Variants in PDE4D observed in about 807,000 individuals in gnomAD.
PDE4D encodes the protein 3',5'-cyclic-AMP phosphodiesterase 4D.
Under a neutral mutation model 87.4 loss-of-function variants are expected in PDE4D, and 24 were observed. The observed-to-expected ratio is 0.27, with a 90% CI of 0.20 to 0.39. The LOEUF (loss-of-function observed/expected upper bound fraction) is 0.39. PDE4D is among the 10% of genes least tolerant of loss of function. The pLI, the probability that PDE4D is intolerant of heterozygous loss-of-function variation, is 1.00. For missense variants in PDE4D, 714 were observed against 1,041.0 expected, an observed-to-expected ratio of 0.69 and a Z score of 4.32; for synonymous variants, 384 against 383.2, an observed-to-expected ratio of 1.00 and a Z score of -0.02.
intron 2 of PDE4D, among the ~76,000 whole-genome samples, chr5:60,011,130 C>A (rs1764984174): frequency 6.6e-6 from 1 of 152,142 alleles, no homozygotes. Context: ...ACACAAAAGG[C>A]CCCATTAGTT....
intron 1 of PDE4D, among the ~76,000 whole-genome samples, chr5:60,204,636 T>C (rs1403897343): frequency 6.6e-6 from 1 of 152,204 alleles, no homozygotes; most frequent in East Asian, 1.9e-4. Flanking sequence ...TAACAAGTGG[T>C]AGAGGTGAGA....
At chr5:59,426,998 TACACACACACACACACACACAC>T (rs3061709) in intron 1 of PDE4D, among the ~76,000 whole-genome samples, 61 of 125,194 alleles carry the variant, frequency 4.9e-4, no homozygotes, top group East Asian at 1.3e-3. Context: ...CTTGAAGCTA[TACACACACACACACACACACAC>T]ACACACACAC....
intron 2 of PDE4D, among the ~76,000 whole-genome samples, chr5:60,037,183 G>A (rs1278893835): frequency 1.3e-5 from 2 of 152,144 alleles, no homozygotes; most frequent in African/African-American, 2.4e-5. Flanking sequence ...GAGAGAGTAA[G>A]CCATTATATA....
intron 1 of PDE4D, among the ~76,000 whole-genome samples, chr5:59,434,674 G>A (rs1796558587): frequency 6.6e-6 from 1 of 152,028 alleles, no homozygotes; most frequent in Non-Finnish European, 1.5e-5. Flanking sequence ...GTTCATTTGA[G>A]CATTTATAAT....
At chr5:59,645,527 T>C (rs545565956) in intron 1 of PDE4D, among the ~76,000 whole-genome samples, 3 of 152,318 alleles carry the variant, frequency 2.0e-5, no homozygotes, top group Admixed American at 2.0e-4. Context: ...GGTGTGATTA[T>C]ATTCTTGTGG....
intron 2 of PDE4D, among the ~76,000 whole-genome samples, chr5:60,129,255 G>A (rs1232569710): frequency 6.6e-6 from 1 of 152,098 alleles, no homozygotes; most frequent in Non-Finnish European, 1.5e-5. Flanking sequence ...TAGAAAACCT[G>A]GTATGCATAT....
Position 60,343,605 on chromosome 5 carries a change from A to T in PDE4D, c.-90+144337T>A, listed in dbSNP as rs1345305009. ...CTTTCTCCTTCTCTGCTCTGTATTA[A>T]AGAGAGGCAATGCAGAGTCCCTTGT... On this transcript the variant is annotated intron_variant, in intron 1 of 16. Transcript: ENST00000502484. 3.3e-5 allele frequency among the ~76,000 whole-genome samples: 5 copies of T among 152,210 alleles called. No individual in the cohort carries two copies. In the South Asian group the frequency reaches 1.0e-3, roughly 32 times the overall value.
chr5:59,108,153 T>C (rs894183199), intron 5 of PDE4D, among the ~76,000 whole-genome samples: 3 of 152,122 alleles, frequency 2.0e-5, no homozygotes, highest in Admixed American at 6.5e-5. Flanking sequence ...AACTGAGTGT[T>C]TATCAACATT....
At chr5:59,241,729 C>T (rs1303725344) in intron 1 of PDE4D, among the ~76,000 whole-genome samples, 1 of 152,076 alleles carries the variant, frequency 6.6e-6, no homozygotes, top group African/African-American at 2.4e-5. Flanking sequence ...TTTAAGAGGG[C>T]TTTTCTCTGG....
At chr5:59,355,408 T>C (rs1781219179) in intron 1 of PDE4D, among the ~76,000 whole-genome samples, 1 of 152,186 alleles carries the variant, frequency 6.6e-6, no homozygotes, top group Admixed American at 6.5e-5. Context: ...GAGCTTGTTA[T>C]CAGATCTAGT....
chr5:59,222,703 A>G (rs1174699328), intron 1 of PDE4D, among the ~76,000 whole-genome samples: 2 of 152,312 alleles, frequency 1.3e-5, no homozygotes, highest in East Asian at 1.9e-4. Flanking sequence ...TCCTGTTAAG[A>G]TGTTTATTTA....
chr5:59,707,590 G>A (rs976163052), intron 1 of PDE4D, among the ~76,000 whole-genome samples: 1 of 152,106 alleles, frequency 6.6e-6, no homozygotes, highest in African/African-American at 2.4e-5. Context: ...CACAGTGGTT[G>A]CTGAACCTAT....
chr5:59,339,564 G>A lies in PDE4D; in HGVS notation c.456-123596C>T, dbSNP rs573637077. Among the ~76,000 whole-genome samples the A allele has an allele frequency of 2.2e-4, 33 of 152,266 alleles. No homozygotes were observed. In the South Asian group the frequency reaches 6.0e-3, roughly 28 times the overall value. On this transcript the variant is annotated intron_variant, in intron 1 of 14. Coordinates refer to ENST00000340635, the MANE Select transcript of PDE4D (RefSeq NM_001104631.2). ...CAAATCAATGAATCATGTTTAAGACGGTAACGATACATGCAACATTTCTTA... is the reference window on the plus strand; with the variant it reads ...CAAATCAATGAATCATGTTTAAGACAGTAACGATACATGCAACATTTCTTA...
chr5:59,418,219 C>T (rs1194580724), intron 1 of PDE4D, among the ~76,000 whole-genome samples: 1 of 152,150 alleles, frequency 6.6e-6, no homozygotes, highest in Non-Finnish European at 1.5e-5. Context: ...TAATAGCTCA[C>T]CTTAGTTTAG....
chr5:59,044,984 C>T (rs1760369077), intron 5 of PDE4D, among the ~76,000 whole-genome samples: 1 of 152,122 alleles, frequency 6.6e-6, no homozygotes, highest in Non-Finnish European at 1.5e-5. Flanking sequence ...TGACTATGTG[C>T]CATGCACTTT....
intron 1 of PDE4D, among the ~76,000 whole-genome samples, chr5:60,472,499 G>A (rs60452961): frequency 0.017 from 2,567 of 152,160 alleles, 84 homozygotes; most frequent in African/African-American, 0.058. Context: ...CTTGCACTTC[G>A]ATTCTCTTTC....
rs191121375 is a variant in PDE4D at position 60,484,559 on chromosome 5, T to C, written c.-90+3383A>G. Among the ~76,000 whole-genome samples, 623 of 152,326 alleles carry C rather than the reference T, an allele frequency of 4.1e-3. 4 individuals are homozygous for C. The highest frequency in any genetic ancestry group is 0.015 in the African/African-American group (613 of 41,576). On this transcript the variant is annotated intron_variant, in intron 1 of 16. Coordinates refer to the PDE4D transcript ENST00000502484. ...ATGGCACATGGAAGTTTACTAAATA[T>C]GTTTTCACATACAATGCCACATTCG...
intron 1 of PDE4D, among the ~76,000 whole-genome samples, chr5:59,304,541 A>G (rs1770907413): frequency 6.6e-6 from 1 of 151,996 alleles, no homozygotes; most frequent in African/African-American, 2.4e-5. Context: ...TTTGTCATAG[A>G]TAGTTTTTAT....
intron 1 of PDE4D, among the ~76,000 whole-genome samples, chr5:60,357,115 G>A (rs1272413902): frequency 2.0e-5 from 3 of 151,980 alleles, no homozygotes; most frequent in South Asian, 4.1e-4. Context: ...GAAAGGGCAA[G>A]GAGAGGGTAC....
Sources: allele counts gnomAD v4.1 joint callset (sites outside exome capture counted in the v4.1 genomes callset), GRCh38; gene constraint gnomAD v4.1.1; transcripts MANE v1.5; gene names NCBI Gene and HGNC (gene_info 2026-07-23, HGNC 2026-07-21).